Variants in LRRC4C observed in about 807,000 individuals in gnomAD.
LRRC4C encodes the protein leucine rich repeat containing 4C, also known as leucine-rich repeat-containing protein 4C.
In LRRC4C, 5 loss-of-function variants were observed where a neutral mutation model predicts 33.6. The observed-to-expected ratio is 0.15, with a 90% CI of 0.08 to 0.31. The LOEUF is 0.31. Ranked by LOEUF, LRRC4C falls within the 10% of genes least tolerant of loss-of-function variation. LRRC4C has a pLI of 1.00. For synonymous variants in LRRC4C, 329 were observed against 302.0 expected, an observed-to-expected ratio of 1.09 and a Z score of -0.93; for missense variants, 560 against 796.7, an observed-to-expected ratio of 0.70 and a Z score of 3.58.
At chr11:41,258,792 T>C (rs1948883761) in intron 1 of LRRC4C, among the ~76,000 whole-genome samples, 1 of 152,028 alleles carries the variant, frequency 6.6e-6, no homozygotes, top group Non-Finnish European at 1.5e-5. Context: ...CTAGAATATG[T>C]TATGCCTTCA....
intron 2 of LRRC4C, among the ~76,000 whole-genome samples, chr11:40,754,767 A>C (rs1003252970): frequency 2.0e-5 from 3 of 151,430 alleles, no homozygotes; most frequent in Non-Finnish European, 4.4e-5. Context: ...TTTTAATTTT[A>C]CTTTTTTTTT....
intron 1 of LRRC4C, among the ~76,000 whole-genome samples, chr11:40,936,373 T>C (rs181276215): frequency 2.1e-5 from 3 of 143,496 alleles, no homozygotes; most frequent in African/African-American, 7.8e-5. Context: ...AGTCTCACTC[T>C]GCTGCCCAGG....
intron 3 of LRRC4C, among the ~76,000 whole-genome samples, chr11:40,529,263 C>T (rs564403876): frequency 2.3e-4 from 35 of 152,024 alleles, no homozygotes; most frequent in African/African-American, 6.8e-4. Context: ...TATATGCATA[C>T]GTCCAAACTC....
chr11:40,395,206 C>T (rs1351268690), intron 3 of LRRC4C, among the ~76,000 whole-genome samples: 1 of 152,020 alleles, frequency 6.6e-6, no homozygotes, highest in Non-Finnish European at 1.5e-5. Flanking sequence ...CAAATACTAC[C>T]TTGTACTCCA....
chr11:41,166,565 C>G (rs1351751139), intron 1 of LRRC4C, among the ~76,000 whole-genome samples: 3 of 152,046 alleles, frequency 2.0e-5, no homozygotes, highest in African/African-American at 7.2e-5. Context: ...ATAGTTTGTG[C>G]CCTCTGTTAG....
chr11:40,864,172 G>C (rs1954240583), intron 2 of LRRC4C, among the ~76,000 whole-genome samples: 1 of 152,112 alleles, frequency 6.6e-6, no homozygotes, highest in Non-Finnish European at 1.5e-5. Context: ...GGGCTCAAGT[G>C]ATTCTCCTGC....
chr11:40,366,977 A>G (rs902082247), intron 3 of LRRC4C, among the ~76,000 whole-genome samples: 1 of 152,088 alleles, frequency 6.6e-6, no homozygotes, highest in African/African-American at 2.4e-5. Flanking sequence ...TAACTATACT[A>G]CATCTGTTTC....
chr11:40,178,259 T>C (rs193131662), intron 5 of LRRC4C, among the ~76,000 whole-genome samples: 1 of 152,268 alleles, frequency 6.6e-6, no homozygotes, highest in African/African-American at 2.4e-5. Flanking sequence ...TTTGAGCAAA[T>C]AGATAGGTCA....
intron 3 of LRRC4C, among the ~76,000 whole-genome samples, chr11:40,423,970 T>C (rs76187194): frequency 0.043 from 6,487 of 152,238 alleles, 479 homozygotes; most frequent in African/African-American, 0.15. Context: ...ATCAGTAAAA[T>C]TTATAAAAAC....
intron 3 of LRRC4C, among the ~76,000 whole-genome samples, chr11:40,404,869 A>C: frequency 6.6e-6 from 1 of 151,782 alleles, no homozygotes; most frequent in East Asian, 1.9e-4. Context: ...TGATATATAT[A>C]TAATAAAATG....
At chr11:40,945,351 A>G (rs984819068) in intron 1 of LRRC4C, among the ~76,000 whole-genome samples, 8 of 152,094 alleles carry the variant, frequency 5.3e-5, no homozygotes, top group Non-Finnish European at 1.2e-4. Flanking sequence ...CTCCTGGCCA[A>G]ACCCTAACAA....
At chr11:41,309,498 A>G (rs1182257595) in intron 1 of LRRC4C, among the ~76,000 whole-genome samples, 1 of 152,142 alleles carries the variant, frequency 6.6e-6, no homozygotes, top group Admixed American at 6.5e-5. Context: ...TACCCAGAAT[A>G]TTTCCATTTT....
At chr11:40,360,654 G>A (rs1315136273) in intron 3 of LRRC4C, among the ~76,000 whole-genome samples, 7 of 152,056 alleles carry the variant, frequency 4.6e-5, no homozygotes, top group African/African-American at 1.7e-4. Flanking sequence ...AAGGGGAGGA[G>A]CTCATCCTTG....
chr11:41,009,594 C>T (rs942789600), intron 1 of LRRC4C, among the ~76,000 whole-genome samples: 1 of 152,156 alleles, frequency 6.6e-6, no homozygotes, highest in Non-Finnish European at 1.5e-5. Flanking sequence ...AATCTGGGTG[C>T]CTGCAGAAGC....
At chr11:41,433,723 G>A (rs1347447757) in intron 1 of LRRC4C, among the ~76,000 whole-genome samples, 2 of 151,934 alleles carry the variant, frequency 1.3e-5, no homozygotes, top group South Asian at 2.1e-4. Flanking sequence ...TGGCTTCCTT[G>A]CTCCTCAGCT....
At chr11:41,396,116 T>A (rs961726896) in intron 1 of LRRC4C, among the ~76,000 whole-genome samples, 5 of 152,098 alleles carry the variant, frequency 3.3e-5, no homozygotes, top group African/African-American at 1.2e-4. Flanking sequence ...CTTCTTCCAA[T>A]GTGGCCCAGG....
chr11:40,814,825 A>T (rs184300938), intron 2 of LRRC4C, among the ~76,000 whole-genome samples: 1 of 152,164 alleles, frequency 6.6e-6, no homozygotes, highest in East Asian at 1.9e-4. Context: ...AGTTCCCAAC[A>T]AGTTCCTCAT....
chr11:40,871,241 C>T (rs2135939415), intron 2 of LRRC4C, among the ~76,000 whole-genome samples: 1 of 152,204 alleles, frequency 6.6e-6, no homozygotes. Context: ...CTCGCCCTGC[C>T]TCCATTTGCC....
intron 2 of LRRC4C, among the ~76,000 whole-genome samples, chr11:40,894,439 A>C (rs1565177458): frequency 1.3e-5 from 2 of 152,170 alleles, no homozygotes; most frequent in South Asian, 4.1e-4. Context: ...TAGAAATGCA[A>C]CATGATCCAT....
Sources: gnomAD v4.1 joint callset for allele counts (sites outside exome capture counted in the v4.1 genomes callset) on GRCh38, gnomAD v4.1.1 for gene constraint, MANE v1.5 for transcripts, NCBI Gene and HGNC (gene_info 2026-07-23, HGNC 2026-07-21) for gene names.